TATDN2: variants seen among roughly 807,000 people sequenced by gnomAD.
TATDN2 encodes the protein TatD DNase domain containing 2.
In TATDN2, 44 loss-of-function variants were observed where a neutral mutation model predicts 60.3. The observed-to-expected ratio is 0.73, with a 90% CI of 0.57 to 0.94. TATDN2 has a LOEUF of 0.94. Ranked by LOEUF, TATDN2 falls within the 40% of genes least tolerant of loss-of-function variation. TATDN2 has a pLI of 0.00. For missense variants in TATDN2, 997 were observed against 948.0 expected (o/e 1.05, Z -0.68); for synonymous variants, 399 against 355.8 (o/e 1.12, Z -1.37).
chr3:10,248,970 G>A lies in TATDN2; in HGVS notation c.-104G>A, dbSNP rs1368853812. 5 of 441,874 alleles carry A rather than the reference G, an allele frequency of 1.1e-5. No individual in the cohort carries two copies. The highest frequency in any genetic ancestry group is 2.0e-5 in the African/African-American group (1 of 49,286). 27.4% of individuals were successfully genotyped at this position (441,874 alleles called of 1,614,324 possible). A position where few individuals can be genotyped will look rare whatever the true frequency, so the allele number is the denominator to read the frequency against. ...GTTGTGGGCTTGGAAACCGACGGCA[G>A]CCTTTAGTCAATTTTGGATCGCTTT... On this transcript the variant is annotated 5_prime_UTR_variant, in exon 1 of 8. Coordinates refer to ENST00000448281, the MANE Select transcript of TATDN2 (RefSeq NM_014760.4).
Position 10,278,699 on chromosome 3 carries a change from A to G in TATDN2, c.2146-186A>G, listed in dbSNP as rs1345928121. On this transcript the variant is annotated intron_variant, in intron 6 of 7. Transcript: ENST00000448281. The surrounding 1 kb of genome is among the most constrained non-coding windows in gnomAD (Gnocchi z 4.7). ...GCCCTACCCTGTAGAGGGTAGTCCA[A>G]GGAAGCGTGGGACCCTGCTCACCCA... 9.7e-7 allele frequency: 1 copy of G among 1,031,750 alleles called. No individual in the cohort carries two copies. The highest frequency in any genetic ancestry group is 1.5e-6 in the Non-Finnish European group (1 of 684,968). 63.9% of individuals were successfully genotyped at this position (1,031,750 alleles called of 1,614,324 possible).
intron 2 of TATDN2, among the ~76,000 whole-genome samples, chr3:10,258,703 C>T (rs1052498285): frequency 1.3e-5 from 2 of 151,514 alleles, no homozygotes; most frequent in Non-Finnish European, 2.9e-5. Context: ...CTCCTGATGT[C>T]AGGTGATCCA....
At chr3:10,250,518 A>G (rs1698206692) in intron 2 of TATDN2, among the ~76,000 whole-genome samples, 1 of 152,042 alleles carries the variant, frequency 6.6e-6, no homozygotes, top group Non-Finnish European at 1.5e-5. Context: ...TCTAGAGAAA[A>G]TTACTTTACA....
chr3:10,273,796 T>G (rs1303780160), intron 4 of TATDN2, among the ~76,000 whole-genome samples: 2 of 152,170 alleles, frequency 1.3e-5, no homozygotes, highest in African/African-American at 4.8e-5. Context: ...CTGTTAACGT[T>G]TTCTTTGTTG....
At chr3:10,272,093 G>C (rs1698575285) in intron 4 of TATDN2, among the ~76,000 whole-genome samples, 2 of 152,016 alleles carry the variant, frequency 1.3e-5, no homozygotes, top group Non-Finnish European at 2.9e-5. Flanking sequence ...GGTAAGAGTT[G>C]TAGTATTTTA....
chr3:10,259,502 G>T (rs1253213227), intron 2 of TATDN2, among the ~76,000 whole-genome samples: 1 of 152,348 alleles, frequency 6.6e-6, no homozygotes, highest in Middle Eastern at 3.4e-3. Flanking sequence ...GTGAGTGGGT[G>T]CAAGAGGGGG....
chr3:10,254,697 G>A (rs1247967257), intron 2 of TATDN2, among the ~76,000 whole-genome samples: 1 of 152,156 alleles, frequency 6.6e-6, no homozygotes, highest in African/African-American at 2.4e-5. Flanking sequence ...CTGGTGAGGA[G>A]CTGTTGAAAT....
At chr3:10,276,317 A>C (rs1364754379) in intron 4 of TATDN2, 44 bp from the exon 5 acceptor site, 1 of 1,607,652 alleles carries the variant, frequency 6.2e-7, no homozygotes, top group Admixed American at 1.7e-5. Context: ...TGGACTTCTG[A>C]AGTGCTGCTA....
At chr3:10,259,775 G>A (rs1428048151) in intron 2 of TATDN2, among the ~76,000 whole-genome samples, 2 of 152,162 alleles carry the variant, frequency 1.3e-5, no homozygotes, top group Non-Finnish European at 2.9e-5. Context: ...TATGGGATTG[G>A]GCTAGCTGGT....
chr3:10,266,798 A>G (rs1163032557), intron 3 of TATDN2, among the ~76,000 whole-genome samples: 1 of 152,164 alleles, frequency 6.6e-6, no homozygotes, highest in Non-Finnish European at 1.5e-5. Flanking sequence ...TTAGCCTAGA[A>G]ATGTTCTTGT....
chr3:10,260,332 G>A lies in TATDN2; in HGVS notation c.610G>A (p.Gly204Arg). The A allele has an allele frequency of 1.2e-6, 2 of 1,614,198 alleles. No homozygotes were observed. Among genetic ancestry groups the A allele is most frequent in the Non-Finnish European group, 1.7e-6 (2 of 1,180,036 alleles). ...ILGKSMPKRK[G>R]EAATRAKPSA... ...GGGGAAATCGATGCCAAAAAGGAAG[G>A]GAGAGGCTGCCACTCGGGCAAAACC... The change falls in exon 3 of 8, where the codon GGA becomes AGA. Residue 204 changes from glycine (G) to arginine (R), a missense_variant. Physicochemically the swap from Gly to Arg is moderately radical, Grantham distance 125. Transcript: ENST00000448281.
At chr3:10,255,382 G>A (rs1390099273) in intron 2 of TATDN2, among the ~76,000 whole-genome samples, 2 of 152,066 alleles carry the variant, frequency 1.3e-5, no homozygotes, top group Non-Finnish European at 2.9e-5. Flanking sequence ...GGGAGAACTT[G>A]AGTTTGAATC....
In TATDN2 at chr3:10,249,246, T is replaced by G; in HGVS notation, c.46T>G (p.Ser16Ala). Residue 16 changes from serine (S) to alanine (A), a missense_variant, in exon 2 of 8, where the codon TCG becomes GCG. Coordinates refer to ENST00000448281, the MANE Select transcript of TATDN2 (RefSeq NM_014760.4). ...GGTCAAGCACAACTGGAGCAGCACG[T>G]CGGAAGGGTGTCCCCGCAAGCGCAG... The part of the protein sequence containing the change: ...GKVKHNWSST[S>A]EGCPRKRSCL... 1 of 1,562,358 alleles carries G rather than the reference T, an allele frequency of 6.4e-7. No homozygotes were observed. The highest frequency in any genetic ancestry group is 1.2e-5 in the South Asian group (1 of 83,596).
intron 3 of TATDN2, among the ~76,000 whole-genome samples, chr3:10,265,041 G>A (rs1211317257): frequency 9.2e-6 from 1 of 109,240 alleles, no homozygotes; most frequent in Non-Finnish European, 1.9e-5. Flanking sequence ...TTTCCTGTGC[G>A]TGGTTTTTTT....
chr3:10,275,763 C>CAAAAA (rs1484540092), intron 4 of TATDN2, among the ~76,000 whole-genome samples: 2 of 1,440 alleles, frequency 1.4e-3, no homozygotes, highest in Non-Finnish European at 2.9e-3. Flanking sequence ...CAAAACAAAA[C>CAAAAA]AAAACAAAAA....
chr3:10,276,322 C>T (rs1229332497), intron 4 of TATDN2, 39 bp from the exon 5 acceptor site: 1 of 1,609,196 alleles, frequency 6.2e-7, no homozygotes, highest in Non-Finnish European at 8.5e-7. Context: ...TTCTGAAGTG[C>T]TGCTAACCAA....
intron 3 of TATDN2, among the ~76,000 whole-genome samples, chr3:10,266,931 C>CTTTTTTTTTTTTTTTTT (rs199956355): frequency 2.4e-5 from 3 of 126,884 alleles, no homozygotes; most frequent in Non-Finnish European, 3.3e-5. Flanking sequence ...CTAAGGCAGT[C>CTTTTTTTTTTTTTTTTT]TTTTTTTTTT....
chr3:10,276,083 T>C (rs1188380310), intron 4 of TATDN2, among the ~76,000 whole-genome samples: 1 of 152,248 alleles, frequency 6.6e-6, no homozygotes, highest in East Asian at 1.9e-4. Context: ...CCTGGTGCTA[T>C]AGCTGCTGGC....
chr3:10,268,551 T>C (rs1265851622), intron 3 of TATDN2, among the ~76,000 whole-genome samples: 3 of 152,250 alleles, frequency 2.0e-5, no homozygotes, highest in Non-Finnish European at 4.4e-5. Context: ...TTGATATTGA[T>C]GTGCTTACTG....
Sources: allele counts gnomAD v4.1 joint callset (sites outside exome capture counted in the v4.1 genomes callset), GRCh38; gene constraint gnomAD v4.1.1; non-coding constraint Gnocchi (gnomAD v3.1); transcripts MANE v1.5; gene names NCBI Gene and HGNC (gene_info 2026-07-23, HGNC 2026-07-21).